The following DEPDC7 variants were observed in gnomAD, a reference collection of about 807,000 sequenced individuals.
DEPDC7 encodes the protein DEP domain containing 7, also known as DEP domain-containing protein 7.
Under a neutral mutation model 56.6 loss-of-function variants are expected in DEPDC7, and 41 were observed. The observed-to-expected ratio is 0.72, with a 90% confidence interval of 0.56 to 0.94. The LOEUF is 0.94. Ranked by LOEUF, DEPDC7 falls within the 40% of genes least tolerant of loss-of-function variation. The probability of loss-of-function intolerance (pLI) is 0.00; values close to 1 mark genes in which losing one functional copy is unlikely to be tolerated. For synonymous variants in DEPDC7, 185 were observed against 208.8 expected (o/e 0.89, Z 0.98); for missense variants, 522 against 596.3 (o/e 0.88, Z 1.30).
Position 33,033,497 on chromosome 11 carries a change from A to C in DEPDC7, c.*42A>C. 7.8e-7 allele frequency: 1 copy of C among 1,284,092 alleles called. No homozygotes were observed. Among genetic ancestry groups the C allele is most frequent in the Non-Finnish European group, 1.1e-6 (1 of 941,416 alleles). 79.5% of individuals were successfully genotyped at this position (1,284,092 alleles called of 1,614,324 possible). On this transcript the variant is annotated 3_prime_UTR_variant, in exon 9 of 9. Transcript: ENST00000241051. ...TATAAGTTGTGTATTTTAAGAATAA[A>C]TTATGTATCCTAAATATCCAATCAC...
intron 4 of DEPDC7, among the ~76,000 whole-genome samples, chr11:33,031,149 C>T (rs944474907): frequency 6.6e-6 from 1 of 151,780 alleles, no homozygotes; most frequent in East Asian, 1.9e-4. Context: ...AGTTTGTTTT[C>T]GTGAAAAAGG....
rs1421692909 is a variant in DEPDC7 at position 33,033,369 on chromosome 11, A to G, written c.1450A>G (p.Lys484Glu). ...NLLKTLDEDS[K>E]LSAKEKKKLL... Reference sequence around the variant, plus strand: ...ACTAAAAACTCTTGATGAGGATTCAAAACTTTCTGCCAAAGAGAAGAAAAA... The same window carrying G: ...ACTAAAAACTCTTGATGAGGATTCAGAACTTTCTGCCAAAGAGAAGAAAAA... Residue 484 changes from lysine to glutamate, a missense_variant, in exon 9 of 9, where the codon AAA (lysine) becomes GAA (glutamate). By Grantham distance (56) the Lys-to-Glu change is moderately conservative (BLOSUM62 1). Transcript: ENST00000241051. The G allele has an allele frequency of 4.3e-6, 7 of 1,611,908 alleles. No homozygotes were observed. The Admixed American group carries it at 1.2e-4, about 27-fold the overall frequency.
intron 4 of DEPDC7, 123 bp downstream of exon 4, chr11:33,028,915 C>T (rs1853605612): frequency 1.7e-6 from 1 of 602,262 alleles, no homozygotes; most frequent in African/African-American, 1.9e-5. Context: ...TTGATATTAT[C>T]AGTATTTGAG....
chr11:33,025,874 A>G lies in DEPDC7; in HGVS notation c.289A>G (p.Arg97Gly). 6.2e-7 allele frequency: 1 copy of G among 1,614,214 alleles called. No individual in the cohort carries two copies. The highest frequency in any genetic ancestry group is 8.5e-7 in the Non-Finnish European group (1 of 1,180,020). The change falls in exon 2 of 9, where the codon AGA becomes GGA. Residue 97 changes from arginine to glycine, a missense_variant. Arg to Gly is a moderately radical substitution (Grantham distance 125). Coordinates refer to ENST00000241051, the MANE Select transcript of DEPDC7 (RefSeq NM_001077242.2). ...DVDIPRAKVV[R>G]VCQALMDYKV... is the part of the protein sequence containing the mutation. Reference sequence around the variant, plus strand: ...AGATATTCCTCGAGCCAAAGTGGTGAGAGTGTGTCAAGCGCTTATGGACTA... The same window carrying G: ...AGATATTCCTCGAGCCAAAGTGGTGGGAGTGTGTCAAGCGCTTATGGACTA...
Position 33,018,244 on chromosome 11 carries a change from A to G in DEPDC7, c.73+2216A>G, listed in dbSNP as rs534994640. 5.3e-5 allele frequency among the ~76,000 whole-genome samples: 8 copies of G among 152,336 alleles called. No homozygotes were observed. In the South Asian group the frequency reaches 1.7e-3, roughly 32 times the overall value. On this transcript the variant is annotated intron_variant, in intron 1 of 8. Coordinates refer to ENST00000241051, the MANE Select transcript of DEPDC7 (RefSeq NM_001077242.2). ...TAGAAAATTTTTCCACTCAGTCACA[A>G]CTGTCAAGTTTTAACACCATAAACA...
chr11:33,016,348 G>A, intron 1 of DEPDC7: 1 of 1,410,806 alleles, frequency 7.1e-7, no homozygotes, highest in Non-Finnish European at 9.2e-7. Flanking sequence ...GGGGAGCTCC[G>A]GGATATGCTC....
chr11:33,028,907 G>A (rs1306856498), intron 4 of DEPDC7, 115 bp downstream of exon 4: 6 of 623,642 alleles, frequency 9.6e-6, no homozygotes. Context: ...ATTGTTAGTT[G>A]ATATTATCAG....
chr11:33,026,287 A>G, intron 2 of DEPDC7: 1 of 526,912 alleles, frequency 1.9e-6, no homozygotes, highest in Non-Finnish European at 3.4e-6. Context: ...TTCAGGTTAT[A>G]GTTGCAGTGT....
chr11:33,019,914 C>T (rs75446501), intron 1 of DEPDC7, among the ~76,000 whole-genome samples: 4,830 of 148,082 alleles, frequency 0.033, 263 homozygotes, highest in African/African-American at 0.11. Flanking sequence ...GTCTAAAGAC[C>T]GAGAATGGAA....
rs749314158 is a variant in DEPDC7 at position 33,025,693 on chromosome 11, G to A, written c.108G>A (p.Thr36=). Residue 36 remains threonine (T), a synonymous_variant, in exon 2 of 9, where the codon ACG becomes ACA. Transcript: ENST00000241051. The part of the protein sequence containing the change: ...FSVAQKPFGA[T]YVWSSIINTL... ...TAGCTCAGAAGCCATTTGGAGCCACGTATGTATGGAGCAGCATCATAAACA... is the reference window on the plus strand; with the variant it reads ...TAGCTCAGAAGCCATTTGGAGCCACATATGTATGGAGCAGCATCATAAACA... 41 of 1,611,772 alleles carry A rather than the reference G, an allele frequency of 2.5e-5. No individual in the cohort carries two copies. Among genetic ancestry groups the A allele is most frequent in the Non-Finnish European group, 3.3e-5 (39 of 1,178,076 alleles).
intron 1 of DEPDC7, among the ~76,000 whole-genome samples, chr11:33,017,601 C>G (rs1853477638): frequency 6.6e-6 from 1 of 152,214 alleles, no homozygotes. Flanking sequence ...GGAATCCCGA[C>G]CTGGTAACAT....
In DEPDC7 at chr11:33,032,712, T is replaced by C. The variant is rs1432773060; in HGVS notation, c.1182T>C (p.Ile394=). The change falls in exon 7 of 9, where the codon ATT becomes ATC. Residue 394 remains isoleucine, a synonymous_variant. Transcript: ENST00000241051. The part of the protein sequence containing the change: ...MVVKRIFSKA[I]VDNKNLSKGK... ...TGAAAAGGATATTCTCAAAAGCTAT[T>C]GTTGACAATAAAAATTTATCCAAAG... 1.9e-6 allele frequency: 3 copies of C among 1,606,352 alleles called. No individual in the cohort carries two copies. In the East Asian group the frequency reaches 6.7e-5, roughly 36 times the overall value.
At position 33,016,011 on chromosome 11, in the gene DEPDC7, C is replaced by A; in HGVS notation, c.56C>A (p.Pro19His). 1 of 1,554,058 alleles carries A rather than the reference C, an allele frequency of 6.4e-7. No homozygotes were observed. Among genetic ancestry groups the A allele is most frequent in the Middle Eastern group, 1.7e-4 (1 of 5,742 alleles). ...AALNLSALHS[P>H]AHRPPGFSVA... ...CTGAACCTCTCGGCTCTCCACAGCC[C>A]CGCGCACAGGCCTCCGGGTAGGTGC... Residue 19 changes from proline to histidine, a missense_variant, in exon 1 of 9, where the codon CCC becomes CAC. Pro to His is a moderately conservative substitution (Grantham distance 77). Coordinates refer to ENST00000241051, the MANE Select transcript of DEPDC7 (RefSeq NM_001077242.2).
At chr11:33,018,209 G>C (rs1356434903) in intron 1 of DEPDC7, among the ~76,000 whole-genome samples, 1 of 152,102 alleles carries the variant, frequency 6.6e-6, no homozygotes, top group African/African-American at 2.4e-5. Flanking sequence ...GTAATCTTGG[G>C]ATCATAGTAT....
intron 1 of DEPDC7, chr11:33,016,480 G>A: frequency 6.2e-7 from 1 of 1,608,360 alleles, no homozygotes; most frequent in Non-Finnish European, 8.5e-7. Context: ...TGCCCACTTT[G>A]TTCTCCAGAC....
intron 5 of DEPDC7, 74 bp downstream of exon 5, chr11:33,031,663 C>T: frequency 1.7e-6 from 2 of 1,178,710 alleles, no homozygotes; most frequent in Non-Finnish European, 2.5e-6. Context: ...TCAAACTGAA[C>T]CAGAATAGTA....
intron 1 of DEPDC7, among the ~76,000 whole-genome samples, chr11:33,018,399 C>G (rs1302377257): frequency 6.6e-6 from 1 of 152,108 alleles, no homozygotes; most frequent in Non-Finnish European, 1.5e-5. Flanking sequence ...TTGAAAAAAT[C>G]TTTCTTAAAA....
intron 1 of DEPDC7, chr11:33,016,365 G>A: frequency 1.4e-6 from 2 of 1,436,766 alleles, no homozygotes; most frequent in Non-Finnish European, 1.8e-6. Context: ...GCTCCGCGGT[G>A]CTACCGGTGA....
At chr11:33,016,098 G>A (rs1853455359) in intron 1 of DEPDC7, 70 bp downstream of exon 1, 1 of 1,285,196 alleles carries the variant, frequency 7.8e-7, no homozygotes, top group South Asian at 2.8e-5. Context: ...GTCCCGGCGC[G>A]GGGCGGGCGG....
Sources: allele counts gnomAD v4.1 joint callset (sites outside exome capture counted in the v4.1 genomes callset), GRCh38; gene constraint gnomAD v4.1.1; transcripts MANE v1.5; gene names NCBI Gene and HGNC (gene_info 2026-07-23, HGNC 2026-07-21).